Variants in SARDH observed in about 807,000 individuals in gnomAD.
The protein encoded by SARDH is sarcosine dehydrogenase.
SARDH carries 95 observed loss-of-function variants against 109.1 expected under a neutral mutation model. The ratio of observed to expected loss-of-function variants is 0.87; its 90% CI spans 0.74 to 1.03. The LOEUF is 1.03. Among genes scored for constraint, SARDH ranks in the 50% least tolerant of loss-of-function variants. SARDH has a pLI of 0.00. For synonymous variants in SARDH, 572 were observed against 534.8 expected (o/e 1.07, Z -0.96); for missense variants, 1,267 against 1,287.8 (o/e 0.98, Z 0.25).
In SARDH at chr9:133,666,949, G is replaced by T. The variant is rs1198364062; in HGVS notation, c.2496-79C>A. The T allele has an allele frequency of 5.1e-6, 8 of 1,568,148 alleles. No homozygotes were observed. Among genetic ancestry groups the T allele is most frequent in the Non-Finnish European group, 6.9e-6 (8 of 1,152,942 alleles). On this transcript the variant is annotated intron_variant, in intron 19 of 20. Transcript: ENST00000439388. The surrounding 1 kb of genome is among the most constrained non-coding windows in gnomAD (Gnocchi z 5.2). ...CGTCCACAGCGGCCTGGAGGAGAAT[G>T]GGGGGCTGCATGATGCACACCCAAC...
chr9:133,697,532 T>C lies in SARDH; in HGVS notation c.1669-1171A>G, dbSNP rs1238844686. On this transcript the variant is annotated intron_variant, in intron 13 of 20. Transcript: ENST00000439388. ...TACAAAAAAATCCTCAACAAAATAC[T>C]AGTAAATCAAATCCAACAACATAGG... Among the ~76,000 whole-genome samples the C allele has an allele frequency of 2.6e-5, 4 of 152,296 alleles. No homozygotes were observed. The East Asian group carries it at 7.7e-4, about 29-fold the overall frequency.
rs147028598 is a variant in SARDH, at chr9:133,715,051, G to A, written c.1151-1927C>T. Reference sequence around the variant, plus strand: ...CAACATGGCCAGGGGCCAGGCCTGCGGCTCCCACCCTGACCTTGGTGAGCT... The same window carrying A: ...CAACATGGCCAGGGGCCAGGCCTGCAGCTCCCACCCTGACCTTGGTGAGCT... On this transcript the variant is annotated intron_variant, in intron 8 of 20. Coordinates refer to ENST00000439388, the MANE Select transcript of SARDH (RefSeq NM_001134707.2). Among the ~76,000 whole-genome samples, 5 of 152,282 alleles carry A rather than the reference G, an allele frequency of 3.3e-5. No individual in the cohort carries two copies. The East Asian group carries it at 5.8e-4, about 18-fold the overall frequency.
intron 10 of SARDH, among the ~76,000 whole-genome samples, chr9:133,711,967 A>T (rs1278963587): frequency 6.6e-6 from 1 of 152,182 alleles, no homozygotes; most frequent in East Asian, 1.9e-4. Flanking sequence ...GCTCTGCAAG[A>T]GATGGCCCTG....
rs776023460 is a variant in SARDH, at chr9:133,703,021, C to T, written c.1563G>A (p.Glu521=). 15 of 1,612,876 alleles carry T rather than the reference C, an allele frequency of 9.3e-6. No homozygotes were observed. Among genetic ancestry groups the T allele is most frequent in the Non-Finnish European group, 1.2e-5 (14 of 1,179,844 alleles). Residue 521 remains glutamate (E), a synonymous_variant, in exon 13 of 21, where the codon GAG becomes GAA. Coordinates refer to ENST00000439388, the MANE Select transcript of SARDH (RefSeq NM_001134707.2). ...FHPRGPAPVL[E]YDYYGAYGSR... ...TCCCGTAAGCCCCGTAGTAGTCGTA[C>T]TCGAGGACCTGGGAAGAAAAGACGT...
At chr9:133,660,052 C>T (rs1346224503), downstream of SARDH, among the ~76,000 whole-genome samples, 1 of 143,668 alleles carries the variant, frequency 7.0e-6, no homozygotes, top group African/African-American at 2.6e-5. Flanking sequence ...ACAGCGACAA[C>T]CCCACCCCCA....
In SARDH at chr9:133,734,158, G is replaced by T; in HGVS notation, c.16C>A (p.Arg6=). MASLS[R]ALRVAAAHPR... ...TGGGCAGCAGCCACACGTAGGGCTC[G>T]GCTCAGTGAGGCCATGGGGGCTCCA... The change falls in exon 2 of 21, where the codon CGA becomes AGA. Residue 6 remains arginine, a synonymous_variant. Transcript: ENST00000439388. 1 of 1,595,136 alleles carries T rather than the reference G, an allele frequency of 6.3e-7. No homozygotes were observed. The highest frequency in any genetic ancestry group is 8.5e-7 in the Non-Finnish European group (1 of 1,171,314).
chr9:133,664,390 G>A (rs536163399), intron 20 of SARDH, among the ~76,000 whole-genome samples: 17 of 152,374 alleles, frequency 1.1e-4, no homozygotes, highest in African/African-American at 4.1e-4. Context: ...GGGCCAATCC[G>A]GCTCGAATCC....
chr9:133,725,058 C>CA (rs1207782879), intron 6 of SARDH, among the ~76,000 whole-genome samples: 16 of 151,942 alleles, frequency 1.1e-4, no homozygotes, highest in Admixed American at 1.0e-3. Flanking sequence ...TATTCAGCTG[C>CA]AAAAAAGAAT....
At chr9:133,731,049 AG>A (rs1832663249) in intron 4 of SARDH, among the ~76,000 whole-genome samples, 1 of 152,234 alleles carries the variant, frequency 6.6e-6, no homozygotes, top group Admixed American at 6.5e-5. Flanking sequence ...AATTATAAGA[AG>A]GGCTTTTGAT....
In SARDH at chr9:133,664,032, G is replaced by C; in HGVS notation, c.2632-18C>G. The stretch of plus-strand genomic sequence containing the variant: ...AGCGAGACCTAGGAGCAGAGGTGGG[G>C]ATGAGGATCACTCTCTGTTGGTAGG... On this transcript the variant is annotated intron_variant, in intron 20 of 20. Coordinates refer to ENST00000439388, the MANE Select transcript of SARDH (RefSeq NM_001134707.2). 1 of 1,613,482 alleles carries C rather than the reference G, an allele frequency of 6.2e-7. No individual in the cohort carries two copies. The highest frequency in any genetic ancestry group is 8.5e-7 in the Non-Finnish European group (1 of 1,179,688).
At chr9:133,690,151 G>A (rs1202547851) in intron 16 of SARDH, among the ~76,000 whole-genome samples, 2 of 152,134 alleles carry the variant, frequency 1.3e-5, no homozygotes, top group East Asian at 3.9e-4. Flanking sequence ...GGGATCCTGG[G>A]GTCCTCAGTG....
At position 133,666,995 on chromosome 9, in the gene SARDH, G is replaced by T. The variant is rs1830094618; in HGVS notation, c.2496-125C>A. The T allele has an allele frequency of 2.3e-6, 3 of 1,330,444 alleles. No homozygotes were observed. Among genetic ancestry groups the T allele is most frequent in the Admixed American group, 3.9e-5 (2 of 50,728 alleles). The allele number at this position is 1,330,444 out of a possible 1,614,324, so 82.4% of individuals were successfully genotyped here. On this transcript the variant is annotated intron_variant, in intron 19 of 20. Coordinates refer to ENST00000439388, the MANE Select transcript of SARDH (RefSeq NM_001134707.2). The surrounding 1 kb of genome is among the most constrained non-coding windows in gnomAD (Gnocchi z 5.2). ...CCAACCGTGGCTCCAGGCAGATAGG[G>T]CTGGCCTACTAGGACTACGCTGGTC... is the stretch of plus-strand genomic sequence containing the variant.
rs144513093 is a variant in SARDH, at chr9:133,712,652, C to T, written c.1295G>A (p.Arg432His). 198 of 1,610,414 alleles carry T rather than the reference C, an allele frequency of 1.2e-4. No individual in the cohort carries two copies. In the African/African-American group the frequency reaches 1.5e-3, roughly 12 times the overall value. The change falls in exon 10 of 21, where the codon CGC (arginine) becomes CAC (histidine). Residue 432 changes from arginine to histidine, a missense_variant. Arg to His is a conservative substitution (Grantham distance 29, BLOSUM62 0). Coordinates refer to ENST00000439388, the MANE Select transcript of SARDH (RefSeq NM_001134707.2). The surrounding 1 kb of genome is among the most constrained non-coding windows in gnomAD (Gnocchi z 4.1). ...ATAGCCATGCATGTCCTTCTCCGGG[C>T]GCCCATGGATGATCCAGTGGGCCAG... Reference protein sequence around the residue: ...QELAHWIIHGRPEKDMHGYDI... With the variant: ...QELAHWIIHGHPEKDMHGYDI...
chr9:133,681,397 G>A (rs1830690296), intron 17 of SARDH, among the ~76,000 whole-genome samples: 4 of 152,212 alleles, frequency 2.6e-5, no homozygotes, highest in Admixed American at 2.6e-4. Context: ...GTTCTCTGTG[G>A]CCATCTTTGC....
chr9:133,704,910 G>T lies in SARDH; in HGVS notation c.1554+38C>A. ...GAGGGGCAAGGGGGTTGTCAGGGCA[G>T]GGCCTCCCAGCAGCACAGCCCAGCA... is the stretch of plus-strand genomic sequence containing the variant. On this transcript the variant is annotated intron_variant, in intron 12 of 20. Transcript: ENST00000439388. This position sits in a 1 kb window ranked among gnomAD's most constrained non-coding sequence, Gnocchi z 4.5. 1.9e-6 allele frequency: 3 copies of T among 1,538,622 alleles called. No homozygotes were observed. The highest frequency in any genetic ancestry group is 2.6e-6 in the Non-Finnish European group (3 of 1,134,132).
chr9:133,725,529 A>G, intron 6 of SARDH: 1 of 439,900 alleles, frequency 2.3e-6, no homozygotes, highest in Non-Finnish European at 4.6e-6. Context: ...AAAAAAAATC[A>G]GCCGGGTGTG....
At position 133,718,931 on chromosome 9, in the gene SARDH, A is replaced by T; in HGVS notation, c.1020+7T>A. 6.2e-7 allele frequency: 1 copy of T among 1,609,124 alleles called. No individual in the cohort carries two copies. The stretch of plus-strand genomic sequence containing the variant: ...CCTCCCATTATCCCAGGGCCCTGGC[A>T]TCTTACCTCCTCCCAAAAGATGGGG... On this transcript the variant is annotated splice_region_variant and intron_variant, in intron 7 of 20. Transcript: ENST00000439388. This position sits in a 1 kb window ranked among gnomAD's most constrained non-coding sequence, Gnocchi z 4.2.
rs1249445463 is a variant in SARDH, at chr9:133,702,918, TGTC to T, written c.1663_1665del (p.Asp555del). 1 of 1,611,324 alleles carries T rather than the reference TGTC, an allele frequency of 6.2e-7. No homozygotes were observed. Among genetic ancestry groups the T allele is most frequent in the South Asian group, 1.1e-5 (1 of 90,982 alleles). The stretch of plus-strand genomic sequence containing the variant: ...CACGGTGGACCCCAGCTACGCACCG[TGTC>T]GTGGTGGGGCGGGAAGGCGAAGGTG... On this transcript the variant is annotated inframe_deletion, in exon 13 of 21. Coordinates refer to ENST00000439388, the MANE Select transcript of SARDH (RefSeq NM_001134707.2).
chr9:133,712,806 T>C lies in SARDH; in HGVS notation c.1238-97A>G. 1 of 1,206,912 alleles carries C rather than the reference T, an allele frequency of 8.3e-7. No individual in the cohort carries two copies. The highest frequency in any genetic ancestry group is 1.3e-5 in the South Asian group (1 of 76,264). The allele number at this position is 1,206,912 out of a possible 1,614,324, so 74.8% of individuals were successfully genotyped here. A position where few individuals can be genotyped will look rare whatever the true frequency, so the allele number is the denominator to read the frequency against. On this transcript the variant is annotated intron_variant, in intron 9 of 20. Coordinates refer to ENST00000439388, the MANE Select transcript of SARDH (RefSeq NM_001134707.2). The surrounding 1 kb of genome is among the most constrained non-coding windows in gnomAD (Gnocchi z 4.1). Reference sequence around the variant, plus strand: ...CCATCTCCACGGACAGCACAGACACTCCAAGCTCTGCTCTCACACCTGGGG... The same window carrying C: ...CCATCTCCACGGACAGCACAGACACCCCAAGCTCTGCTCTCACACCTGGGG...
Sources: gnomAD v4.1 joint callset for allele counts (sites outside exome capture counted in the v4.1 genomes callset) on GRCh38, gnomAD v4.1.1 for gene constraint, Gnocchi (gnomAD v3.1) non-coding constraint, MANE v1.5 for transcripts, NCBI Gene and HGNC (gene_info 2026-07-23, HGNC 2026-07-21) for gene names.